Variants in MAP4 observed in about 807,000 individuals in gnomAD.
The protein encoded by MAP4 is microtubule associated protein 4, also known as microtubule-associated protein 4.
MAP4 carries 76 observed loss-of-function variants against 170.2 expected under a neutral mutation model. That is an observed-to-expected ratio of 0.45 (90% CI 0.37 to 0.54). The LOEUF (loss-of-function observed/expected upper bound fraction) is 0.54. Ranked by LOEUF, MAP4 falls within the 20% of genes least tolerant of loss-of-function variation. The probability of loss-of-function intolerance (pLI) is 0.00; values close to 1 mark genes in which losing one functional copy is unlikely to be tolerated. For missense variants in MAP4, 2,506 were observed against 2,748.0 expected (o/e 0.91, Z 1.97); for synonymous variants, 909 against 994.5 (o/e 0.91, Z 1.62).
At chr3:47,876,419 C>A (rs2095439699) in intron 11 of MAP4, among the ~76,000 whole-genome samples, 2 of 152,152 alleles carry the variant, frequency 1.3e-5, no homozygotes, top group Non-Finnish European at 2.9e-5. Flanking sequence ...GCGTGAGCCA[C>A]CGCGCCTGGC....
intron 15 of MAP4, 131 bp downstream of exon 15, chr3:47,870,682 G>T: frequency 1.1e-6 from 1 of 951,280 alleles, no homozygotes; most frequent in Non-Finnish European, 1.5e-6. Flanking sequence ...CAGAGCCCCG[G>T]CTGAAATACC....
intron 1 of MAP4, among the ~76,000 whole-genome samples, chr3:48,088,449 C>T (rs1195013412): frequency 2.0e-5 from 3 of 152,196 alleles, no homozygotes; most frequent in Non-Finnish European, 4.4e-5. Flanking sequence ...CCGACCCTCG[C>T]TCCGCGGCTC....
chr3:48,034,258 T>C (rs1559828685), intron 1 of MAP4, among the ~76,000 whole-genome samples: 1 of 152,200 alleles, frequency 6.6e-6, no homozygotes, highest in Non-Finnish European at 1.5e-5. Context: ...AATGATCTCA[T>C]CCCACTGACC....
chr3:47,974,558 T>C (rs1197710253), intron 3 of MAP4: 26 of 972,498 alleles, frequency 2.7e-5, no homozygotes, highest in Non-Finnish European at 3.2e-5. Flanking sequence ...AACTTTAAAG[T>C]ATTTCAGATT....
At chr3:48,004,307 TAG>T (rs2100101014) in intron 1 of MAP4, among the ~76,000 whole-genome samples, 1 of 152,202 alleles carries the variant, frequency 6.6e-6, no homozygotes, top group Non-Finnish European at 1.5e-5. Context: ...GTGAACTATT[TAG>T]AGAGTTATGC....
chr3:47,950,386 T>G (rs1302600332), intron 3 of MAP4, among the ~76,000 whole-genome samples: 1 of 152,148 alleles, frequency 6.6e-6, no homozygotes, highest in East Asian at 1.9e-4. Flanking sequence ...GTGGCACTCT[T>G]GGGTTTAAGT....
intron 5 of MAP4, 95 bp from the exon 6 acceptor site, chr3:47,918,936 G>GTTTT: frequency 1.0e-6 from 1 of 980,270 alleles, no homozygotes; most frequent in Non-Finnish European, 1.4e-6. Flanking sequence ...TGTTTTGTTT[G>GTTTT]TTTTTTTTTT....
At chr3:47,892,991 G>C (rs1376394492) in intron 10 of MAP4, 1 of 298,732 alleles carries the variant, frequency 3.3e-6, no homozygotes, top group Non-Finnish European at 4.4e-6. Context: ...TAACCCTGAA[G>C]AACAATGAAT....
chr3:47,894,935 A>G (rs2100025979), intron 10 of MAP4, among the ~76,000 whole-genome samples: 1 of 151,534 alleles, frequency 6.6e-6, no homozygotes, highest in Non-Finnish European at 1.5e-5. Flanking sequence ...CTGAGGTGGG[A>G]GAATTGCCTG....
At chr3:47,997,309 C>A (rs2100096314) in intron 2 of MAP4, among the ~76,000 whole-genome samples, 4 of 45,944 alleles carry the variant, frequency 8.7e-5, no homozygotes, top group South Asian at 6.6e-4. Context: ...CATCTAAACA[C>A]AACATATTTA....
At chr3:47,927,855 G>A (rs1246846089) in intron 4 of MAP4, among the ~76,000 whole-genome samples, 4 of 152,138 alleles carry the variant, frequency 2.6e-5, no homozygotes, top group Non-Finnish European at 5.9e-5. Context: ...GCAGAGTTAG[G>A]TAAGAAATAC....
At chr3:47,905,545 CAA>C (rs569453520) in intron 9 of MAP4, among the ~76,000 whole-genome samples, 1 of 129,402 alleles carries the variant, frequency 7.7e-6, no homozygotes, top group Non-Finnish European at 1.7e-5. Context: ...ACAACAACAA[CAA>C]AAAAAAAAAA....
chr3:47,911,156 C>T lies in MAP4; in HGVS notation c.3265G>A (p.Asp1089Asn), dbSNP rs1577446952. 2.6e-6 allele frequency: 4 copies of T among 1,535,988 alleles called. No homozygotes were observed. In the South Asian group the frequency reaches 3.6e-5, roughly 14 times the overall value. The change falls in exon 9 of 21, where the codon GAC (aspartate) becomes AAC (asparagine). Residue 1089 changes from aspartate (D) to asparagine (N), a missense_variant. Physicochemically the swap from Asp to Asn is conservative, Grantham distance 23 (BLOSUM62 1). Coordinates refer to ENST00000683076, the MANE Select transcript of MAP4 (RefSeq NM_001385682.1). This position sits in a 1 kb window ranked among gnomAD's most constrained non-coding sequence, Gnocchi z 4.0. ...KAKSELPFLL[D>N]SQKDGRAVLI... ...ACAGCCCTTCCGTCCTTCTGGCTGT[C>T]CAGAAGAAATGGCAGCTCAGATTTT... is the stretch of plus-strand genomic sequence containing the variant.
At chr3:47,901,845 G>C (rs1006764910) in intron 10 of MAP4, among the ~76,000 whole-genome samples, 2 of 152,150 alleles carry the variant, frequency 1.3e-5, no homozygotes, top group Non-Finnish European at 2.9e-5. Context: ...GGGAATATGA[G>C]GGGAAGAAGC....
At chr3:47,987,289 G>C in intron 2 of MAP4, 1 of 858,482 alleles carries the variant, frequency 1.2e-6, no homozygotes, top group South Asian at 2.2e-5. Context: ...CTGTGCTAGA[G>C]CATGTTAATA....
At chr3:47,889,878 C>T (rs1214498699) in intron 10 of MAP4, among the ~76,000 whole-genome samples, 1 of 150,454 alleles carries the variant, frequency 6.6e-6, no homozygotes, top group African/African-American at 2.5e-5. Flanking sequence ...TTCTTTGCCT[C>T]CATAAAAAAA....
At chr3:47,978,253 C>T (rs1033720263) in intron 2 of MAP4, among the ~76,000 whole-genome samples, 2 of 152,140 alleles carry the variant, frequency 1.3e-5, no homozygotes, top group East Asian at 3.8e-4. Flanking sequence ...TGGAGCAACA[C>T]AGGTTTGGTA....
chr3:48,009,018 T>C (rs990266039), intron 1 of MAP4, among the ~76,000 whole-genome samples: 2 of 152,222 alleles, frequency 1.3e-5, no homozygotes, highest in African/African-American at 2.4e-5. Context: ...AGACACTTAC[T>C]CTGGATATGG....
chr3:48,000,342 T>TA, intron 1 of MAP4, among the ~76,000 whole-genome samples: 1 of 151,412 alleles, frequency 6.6e-6, no homozygotes, highest in South Asian at 2.1e-4. Flanking sequence ...TCAAAAAGTC[T>TA]AACAGAAACT....
Sources: allele counts gnomAD v4.1 joint callset (sites outside exome capture counted in the v4.1 genomes callset), GRCh38; gene constraint gnomAD v4.1.1; non-coding constraint Gnocchi (gnomAD v3.1); transcripts MANE v1.5; gene names NCBI Gene and HGNC (gene_info 2026-07-23, HGNC 2026-07-21).